Variants in SPMIP2 observed in about 807,000 individuals in gnomAD.
SPMIP2 encodes protein SPMIP2.
At chr4:158,978,438 A>G in the SPMIP2 span, among the ~76,000 whole-genome samples, 5 of 152,270 alleles carry the variant, frequency 3.3e-5, no homozygotes, top group East Asian at 1.9e-4. Context: ...GGTCTGCTTC[A>G]TCCAGAGCTG....
At chr4:158,959,628 C>A in the SPMIP2 span, among the ~76,000 whole-genome samples, 1 of 152,254 alleles carries the variant, frequency 6.6e-6, no homozygotes, top group Admixed American at 6.5e-5. Flanking sequence ...AAATCCTCAC[C>A]TTCAAAAACC....
chr4:158,987,642 G>A, the SPMIP2 span, among the ~76,000 whole-genome samples: 2 of 152,034 alleles, frequency 1.3e-5, no homozygotes, highest in African/African-American at 4.8e-5. Flanking sequence ...GGTAGGGGGA[G>A]TGGGGAGGGA....
chr4:159,033,299 G>C, the SPMIP2 span, among the ~76,000 whole-genome samples: 1 of 152,004 alleles, frequency 6.6e-6, no homozygotes. Context: ...TAGGGGGAAA[G>C]GGGGAGGGGG....
the SPMIP2 span, among the ~76,000 whole-genome samples, chr4:158,969,592 G>A: frequency 6.6e-6 from 1 of 152,112 alleles, no homozygotes; most frequent in Admixed American, 6.6e-5. Flanking sequence ...AGATTTTCAG[G>A]TGTCACTCAG....
the SPMIP2 span, among the ~76,000 whole-genome samples, chr4:158,900,520 C>T: frequency 3.3e-5 from 5 of 152,210 alleles, no homozygotes; most frequent in African/African-American, 4.8e-5. Flanking sequence ...CTGGGTCCTT[C>T]TGTATTGGTT....
the SPMIP2 span, among the ~76,000 whole-genome samples, chr4:159,002,779 C>A: frequency 6.6e-6 from 1 of 152,094 alleles, no homozygotes; most frequent in East Asian, 1.9e-4. Flanking sequence ...CACACACACA[C>A]ACACACACAC....
chr4:159,077,919 G>A, the SPMIP2 span, among the ~76,000 whole-genome samples: 1 of 152,096 alleles, frequency 6.6e-6, no homozygotes, highest in Non-Finnish European at 1.5e-5. Flanking sequence ...TAGCAAACAG[G>A]TGGCACTTTC....
chr4:158,895,738 T>G, the SPMIP2 span: 1 of 1,547,650 alleles, frequency 6.5e-7, no homozygotes, highest in South Asian at 1.1e-5. Flanking sequence ...GTGAATGTTC[T>G]TGGCTTTGCA....
At chr4:159,036,997 C>T in the SPMIP2 span, among the ~76,000 whole-genome samples, 1 of 152,202 alleles carries the variant, frequency 6.6e-6, no homozygotes, top group Non-Finnish European at 1.5e-5. Flanking sequence ...TGCTCACTCA[C>T]CTGTGGTTTT....
chr4:159,009,832 A>G, the SPMIP2 span, among the ~76,000 whole-genome samples: 1 of 152,074 alleles, frequency 6.6e-6, no homozygotes, highest in African/African-American at 2.4e-5. Flanking sequence ...GCAAAATTAC[A>G]AAAATTAGCC....
chr4:159,056,698 T>C, the SPMIP2 span, among the ~76,000 whole-genome samples: 1 of 151,966 alleles, frequency 6.6e-6, no homozygotes, highest in East Asian at 1.9e-4. Context: ...AGATCTTCTA[T>C]AGGATTTTGA....
chr4:159,015,887 G>A, the SPMIP2 span, among the ~76,000 whole-genome samples: 2 of 152,182 alleles, frequency 1.3e-5, no homozygotes, highest in Non-Finnish European at 2.9e-5. Context: ...CAGAAGGAGA[G>A]AAAGCTTGGC....
chr4:158,997,849 G>C, the SPMIP2 span, among the ~76,000 whole-genome samples: 1 of 151,928 alleles, frequency 6.6e-6, no homozygotes, highest in Non-Finnish European at 1.5e-5. Flanking sequence ...AGATATGAGG[G>C]TCTTACTATG....
At chr4:158,927,831 G>GCT in the SPMIP2 span, among the ~76,000 whole-genome samples, 1,074 of 152,366 alleles carry the variant, frequency 7.0e-3, 13 homozygotes, top group African/African-American at 0.025. Context: ...GGGCAATGAG[G>GCT]GGCTTAGCAC....
At chr4:158,930,525 A>G in the SPMIP2 span, among the ~76,000 whole-genome samples, 2 of 146,954 alleles carry the variant, frequency 1.4e-5, no homozygotes, top group Admixed American at 6.8e-5. Flanking sequence ...TTTTTTTAAG[A>G]GATTCTGTCA....
chr4:159,000,333 A>C, the SPMIP2 span, among the ~76,000 whole-genome samples: 2 of 152,072 alleles, frequency 1.3e-5, no homozygotes, highest in African/African-American at 4.8e-5. Context: ...ATGGATTCTC[A>C]CTGTAGTTAA....
chr4:158,908,394 C>T, the SPMIP2 span, among the ~76,000 whole-genome samples: 1 of 152,142 alleles, frequency 6.6e-6, no homozygotes, highest in Non-Finnish European at 1.5e-5. Context: ...TTCTGCTATA[C>T]ATAAAAAACA....
chr4:159,029,894 G>T, the SPMIP2 span, among the ~76,000 whole-genome samples: 1 of 151,976 alleles, frequency 6.6e-6, no homozygotes, highest in African/African-American at 2.4e-5. Flanking sequence ...TTGTTAAATT[G>T]GATTTCAAAT....
chr4:159,070,916 C>T, the SPMIP2 span, among the ~76,000 whole-genome samples: 4 of 152,196 alleles, frequency 2.6e-5, no homozygotes, highest in Non-Finnish European at 5.9e-5. Flanking sequence ...CGCTTGATAG[C>T]ATGCTGGAAC....
Sources: gnomAD v4.1 joint callset for allele counts (sites outside exome capture counted in the v4.1 genomes callset) on GRCh38, gnomAD v4.1.1 for gene constraint, MANE v1.5 for transcripts, NCBI Gene and HGNC (gene_info 2026-07-23, HGNC 2026-07-21) for gene names.